The following KCTD8 variants were observed in gnomAD, a reference collection of about 807,000 sequenced individuals.
The protein encoded by KCTD8 is BTB/POZ domain-containing protein KCTD8.
KCTD8 carries 27 observed loss-of-function variants against 31.5 expected under a neutral mutation model. The ratio of observed to expected loss-of-function variants is 0.86; its 90% CI spans 0.63 to 1.18. KCTD8 has a LOEUF of 1.18. KCTD8 is among the 50% of genes most tolerant of loss of function. KCTD8 has a pLI of 0.00. For synonymous variants in KCTD8, 290 were observed against 280.0 expected, an observed-to-expected ratio of 1.04 and a Z score of -0.36; for missense variants, 658 against 647.7, an observed-to-expected ratio of 1.02 and a Z score of -0.17.
At chr4:44,370,674 A>G (rs748446830) in intron 1 of KCTD8, among the ~76,000 whole-genome samples, 38 of 152,178 alleles carry the variant, frequency 2.5e-4, no homozygotes, top group Non-Finnish European at 5.3e-4. Context: ...GGTTTTTTAT[A>G]AGCAAAAACT....
chr4:44,220,166 G>GA (rs926120453), intron 1 of KCTD8, among the ~76,000 whole-genome samples: 5 of 152,138 alleles, frequency 3.3e-5, no homozygotes, highest in African/African-American at 1.2e-4. Flanking sequence ...GAGGTCTACA[G>GA]AAAAATGGGA....
intron 1 of KCTD8, among the ~76,000 whole-genome samples, chr4:44,420,213 AC>A (rs541338277): frequency 6.6e-6 from 1 of 152,230 alleles, no homozygotes; most frequent in South Asian, 2.1e-4. Context: ...ACAATGAAGG[AC>A]CATCACTCAA....
chr4:44,270,528 A>T (rs991138284), intron 1 of KCTD8, among the ~76,000 whole-genome samples: 1 of 151,934 alleles, frequency 6.6e-6, no homozygotes, highest in South Asian at 2.1e-4. Flanking sequence ...GTACCCTAAA[A>T]CTTAAAGTAT....
intron 1 of KCTD8, among the ~76,000 whole-genome samples, chr4:44,216,054 G>A (rs1714643148): frequency 6.6e-6 from 1 of 152,096 alleles, no homozygotes; most frequent in Admixed American, 6.6e-5. Context: ...AAGTAGCATA[G>A]TAGCAGGAAA....
intron 1 of KCTD8, among the ~76,000 whole-genome samples, chr4:44,282,718 G>A (rs995530293): frequency 3.9e-5 from 6 of 152,018 alleles, no homozygotes; most frequent in African/African-American, 1.4e-4. Flanking sequence ...CCTTATTTTT[G>A]ATATGATGGC....
intron 1 of KCTD8, among the ~76,000 whole-genome samples, chr4:44,264,921 A>G (rs1406455797): frequency 1.3e-5 from 2 of 152,228 alleles, no homozygotes; most frequent in African/African-American, 4.8e-5. Context: ...CCACAGCTCA[A>G]GGAGGCCTGC....
At chr4:44,437,054 G>GA (rs58512604) in intron 1 of KCTD8, among the ~76,000 whole-genome samples, 3,642 of 96,346 alleles carry the variant, frequency 0.038, 85 homozygotes, top group South Asian at 0.11. Flanking sequence ...CAATGATTTT[G>GA]AAAGTTTTTT....
At chr4:44,436,078 C>T (rs1439988505) in intron 1 of KCTD8, among the ~76,000 whole-genome samples, 1 of 152,016 alleles carries the variant, frequency 6.6e-6, no homozygotes, top group Non-Finnish European at 1.5e-5. Context: ...ATGTTTGATG[C>T]GAAGTTACAA....
chr4:44,324,184 G>A (rs1718384487), intron 1 of KCTD8, among the ~76,000 whole-genome samples: 1 of 151,896 alleles, frequency 6.6e-6, no homozygotes, highest in African/African-American at 2.4e-5. Context: ...AGGCCAGCCT[G>A]GTATGTACAT....
intron 1 of KCTD8, among the ~76,000 whole-genome samples, chr4:44,276,169 C>G (rs1011758123): frequency 1.3e-5 from 2 of 151,896 alleles, no homozygotes; most frequent in African/African-American, 4.8e-5. Context: ...AAAAGTTGGT[C>G]TTTTTATTAA....
rs570411335 is a variant in KCTD8 at position 44,286,351 on chromosome 4, C to T, written c.962-111101G>A. On this transcript the variant is annotated intron_variant, in intron 1 of 1. Transcript: ENST00000360029. The stretch of plus-strand genomic sequence containing the variant: ...AATCGACCCCAAATTTAATGTCTCT[C>T]ATTTTAATTCATGGCAACATTTTCT... Among the ~76,000 whole-genome samples the T allele has an allele frequency of 1.2e-4, 19 of 152,242 alleles. No homozygotes were observed. In the East Asian group the frequency reaches 2.9e-3, roughly 23 times the overall value.
chr4:44,338,806 T>G (rs984959023), intron 1 of KCTD8, among the ~76,000 whole-genome samples: 10 of 152,164 alleles, frequency 6.6e-5, no homozygotes, highest in Non-Finnish European at 1.5e-4. Flanking sequence ...ACATTTAAAA[T>G]TGAACTTTTT....
chr4:44,433,109 C>G (rs1168598682), intron 1 of KCTD8, among the ~76,000 whole-genome samples: 2 of 151,716 alleles, frequency 1.3e-5, no homozygotes, highest in African/African-American at 4.8e-5. Flanking sequence ...GAAACTTACA[C>G]AGATACCTTA....
chr4:44,396,498 C>T (rs942586272), intron 1 of KCTD8, among the ~76,000 whole-genome samples: 1 of 151,792 alleles, frequency 6.6e-6, no homozygotes, highest in African/African-American at 2.4e-5. Flanking sequence ...CAGATACTTG[C>T]CATTTTGTTT....
chr4:44,330,269 T>C (rs1359468889), intron 1 of KCTD8, among the ~76,000 whole-genome samples: 1 of 151,894 alleles, frequency 6.6e-6, no homozygotes, highest in Non-Finnish European at 1.5e-5. Flanking sequence ...TTAATGAAAA[T>C]TATACCTGCA....
At chr4:44,295,707 T>C (rs750539314) in intron 1 of KCTD8, among the ~76,000 whole-genome samples, 11 of 152,110 alleles carry the variant, frequency 7.2e-5, no homozygotes, top group Non-Finnish European at 1.2e-4. Flanking sequence ...AAGTCCAAGA[T>C]CAAGGTGCCA....
intron 1 of KCTD8, among the ~76,000 whole-genome samples, chr4:44,439,135 A>T (rs1721754083): frequency 1.3e-5 from 2 of 152,186 alleles, no homozygotes; most frequent in Admixed American, 1.3e-4. Context: ...TATTTTACTT[A>T]TACCAAAAAT....
chr4:44,285,871 G>T (rs1717050764), intron 1 of KCTD8, among the ~76,000 whole-genome samples: 1 of 152,086 alleles, frequency 6.6e-6, no homozygotes, highest in African/African-American at 2.4e-5. Context: ...ACTTGGAAGA[G>T]ATTCTACATT....
At chr4:44,198,489 T>C (rs113676149) in intron 1 of KCTD8, among the ~76,000 whole-genome samples, 17 of 152,026 alleles carry the variant, frequency 1.1e-4, no homozygotes, top group African/African-American at 3.9e-4. Context: ...TCAGAAGAAA[T>C]TGGGGGCATA....
Sources: gnomAD v4.1 joint callset for allele counts (sites outside exome capture counted in the v4.1 genomes callset) on GRCh38, gnomAD v4.1.1 for gene constraint, MANE v1.5 for transcripts, NCBI Gene and HGNC (gene_info 2026-07-23, HGNC 2026-07-21) for gene names.